The following TMEM74 variants were observed in gnomAD, a reference collection of about 807,000 sequenced individuals.
The protein encoded by TMEM74 is transmembrane protein 74.
Under a neutral mutation model 18.1 loss-of-function variants are expected in TMEM74, and 13 were observed. The ratio of observed to expected loss-of-function variants is 0.72; its 90% confidence interval spans 0.47 to 1.14. TMEM74 has a LOEUF of 1.14. TMEM74 is among the 50% of genes most tolerant of loss of function. The probability of loss-of-function intolerance (pLI) is 0.00; values close to 1 mark genes in which losing one functional copy is unlikely to be tolerated. For synonymous variants in TMEM74, 159 were observed against 146.6 expected, an observed-to-expected ratio of 1.08 and a Z score of -0.61; for missense variants, 372 against 375.9, an observed-to-expected ratio of 0.99 and a Z score of 0.09.
At chr8:108,720,073 AT>A (rs1197171542) in intron 1 of TMEM74, among the ~76,000 whole-genome samples, 2 of 152,114 alleles carry the variant, frequency 1.3e-5, no homozygotes, top group East Asian at 3.9e-4. Context: ...ACTTTAGCTA[AT>A]TTTTAACAAA....
chr8:108,673,546 G>C (rs7840453), intron 1 of TMEM74, among the ~76,000 whole-genome samples: 4,479 of 152,304 alleles, frequency 0.029, 123 homozygotes, highest in African/African-American at 0.066. Flanking sequence ...CCAGCAGAGA[G>C]CATAGCCAGA....
chr8:108,748,293 A>G (rs1813871290), intron 1 of TMEM74, among the ~76,000 whole-genome samples: 2 of 152,110 alleles, frequency 1.3e-5, no homozygotes, highest in Admixed American at 6.5e-5. Flanking sequence ...TGTGGTTTTG[A>G]TTGGCATTTC....
At chr8:108,770,259 T>TA (rs1430249697) in intron 1 of TMEM74, among the ~76,000 whole-genome samples, 1 of 152,116 alleles carries the variant, frequency 6.6e-6, no homozygotes, top group Non-Finnish European at 1.5e-5. Flanking sequence ...TGATTCCTTT[T>TA]AAAAAACTGG....
intron 2 of TMEM74, among the ~76,000 whole-genome samples, chr8:108,640,924 C>T (rs1031213569): frequency 2.0e-5 from 3 of 152,256 alleles, no homozygotes; most frequent in Non-Finnish European, 4.4e-5. Flanking sequence ...ATGATGTCAT[C>T]ACTTTAGCCA....
chr8:108,732,345 A>G (rs991834465), intron 1 of TMEM74, among the ~76,000 whole-genome samples: 4 of 152,198 alleles, frequency 2.6e-5, no homozygotes, highest in African/African-American at 7.2e-5. Flanking sequence ...GTGTGTGTGT[A>G]CACATGTTCA....
chr8:108,652,376 T>G (rs1461782810), intron 2 of TMEM74: 1 of 228,346 alleles, frequency 4.4e-6, no homozygotes, highest in Non-Finnish European at 8.6e-6. Flanking sequence ...ACTAGGCACA[T>G]GGACTGGGAA....
chr8:108,784,810 G>A lies in TMEM74; in HGVS notation c.289C>T (p.Arg97Trp), dbSNP rs780249867. 7.4e-6 allele frequency: 12 copies of A among 1,614,172 alleles called. No individual in the cohort carries two copies. In the Admixed American group the frequency reaches 1.0e-4, roughly 13 times the overall value. ...TGGCTGCAGCAGTTACAGACTTTCC[G>A]TTCCGCTGTTATTTGGTTGTTCCCT... ...HSGNNQITAERKVCNCCSQEL... is the reference protein window; with the variant it reads ...HSGNNQITAEWKVCNCCSQEL... Residue 97 changes from arginine (R) to tryptophan (W), a missense_variant, in exon 2 of 2, where the codon CGG (arginine) becomes TGG (tryptophan). By Grantham distance (101) the Arg-to-Trp change is moderately radical (BLOSUM62 -3). Transcript: ENST00000297459.
rs553679530 is a variant in TMEM74, at chr8:108,760,076, G to C, written n.119+27400C>G. Among the ~76,000 whole-genome samples the C allele has an allele frequency of 1.5e-3, 225 of 151,836 alleles. 1 individual carries two copies. Among genetic ancestry groups the C allele is most frequent in the African/African-American group, 5.1e-3 (212 of 41,422 alleles). On this transcript the variant is annotated intron_variant and non_coding_transcript_variant, in intron 1 of 3. Coordinates refer to the TMEM74 transcript ENST00000518838. ...TAGTTGTAGCTACTCAGGAGGCTTA[G>C]GTAAGAGAATCGCTTGAAGCTGGGA...
At chr8:108,685,792 CA>C (rs546733802) in intron 1 of TMEM74, among the ~76,000 whole-genome samples, 15 of 151,844 alleles carry the variant, frequency 9.9e-5, no homozygotes, top group Non-Finnish European at 1.3e-4. Flanking sequence ...GATACAATGT[CA>C]AAATACAAAA....
chr8:108,667,784 A>G (rs1355416000), intron 1 of TMEM74, among the ~76,000 whole-genome samples: 1 of 151,988 alleles, frequency 6.6e-6, no homozygotes, highest in Non-Finnish European at 1.5e-5. Context: ...ACCTCTCCCT[A>G]CTGCCTACCT....
At chr8:108,785,437 A>C (rs974738131) in intron 1 of TMEM74, among the ~76,000 whole-genome samples, 25 of 152,220 alleles carry the variant, frequency 1.6e-4, no homozygotes, top group African/African-American at 6.0e-4. Flanking sequence ...AATTTATTCA[A>C]GGACTCGCGC....
intron 1 of TMEM74, among the ~76,000 whole-genome samples, chr8:108,714,863 A>G (rs1026160706): frequency 2.0e-5 from 3 of 152,180 alleles, no homozygotes; most frequent in African/African-American, 4.8e-5. Flanking sequence ...GATCAAAATC[A>G]TGTCCTTTGC....
intron 2 of TMEM74, among the ~76,000 whole-genome samples, chr8:108,628,907 A>G (rs1303406740): frequency 6.6e-6 from 1 of 151,480 alleles, no homozygotes; most frequent in African/African-American, 2.4e-5. Flanking sequence ...TTTTTTTCAT[A>G]TGTTTGTTGG....
intron 2 of TMEM74, among the ~76,000 whole-genome samples, chr8:108,637,047 AG>A (rs1812613858): frequency 6.6e-6 from 1 of 152,116 alleles, no homozygotes; most frequent in Non-Finnish European, 1.5e-5. Context: ...AGATAGGATT[AG>A]GGCTTTGATA....
intron 1 of TMEM74, among the ~76,000 whole-genome samples, chr8:108,714,488 AAGGGAGGAAC>A (rs1228144470): frequency 6.6e-6 from 1 of 152,212 alleles, no homozygotes; most frequent in East Asian, 1.9e-4. Flanking sequence ...TTCAAGTGAC[AAGGGAGGAAC>A]AGGTGACTGA....
intron 1 of TMEM74, among the ~76,000 whole-genome samples, chr8:108,745,558 T>C: frequency 6.6e-6 from 1 of 152,188 alleles, no homozygotes; most frequent in African/African-American, 2.4e-5. Flanking sequence ...TTGCTGACTC[T>C]GGTGTATATT....
chr8:108,630,377 G>C (rs900024943), intron 2 of TMEM74, among the ~76,000 whole-genome samples: 18 of 151,922 alleles, frequency 1.2e-4, no homozygotes, highest in African/African-American at 2.4e-4. Flanking sequence ...CACAATAATA[G>C]TGGGAGACTT....
At position 108,778,975 on chromosome 8, in the gene TMEM74, TA is replaced by T. The variant is rs916640355; in HGVS notation, c.*5205del. The stretch of plus-strand genomic sequence containing the variant: ...AGCAAGAAGAATGACAAACCTAAAT[TA>T]GGGGTAAATATTCATTTTAATTTTT... On this transcript the variant is annotated 3_prime_UTR_variant, in exon 2 of 2. Transcript: ENST00000297459. 5.3e-5 allele frequency among the ~76,000 whole-genome samples: 8 copies of T among 152,236 alleles called. No individual in the cohort carries two copies. Among genetic ancestry groups the T allele is most frequent in the African/African-American group, 1.9e-4 (8 of 41,558 alleles).
intron 1 of TMEM74, among the ~76,000 whole-genome samples, chr8:108,685,330 T>A (rs1291949069): frequency 6.6e-6 from 1 of 152,154 alleles, no homozygotes; most frequent in African/African-American, 2.4e-5. Context: ...CCCATTCTAA[T>A]AAGTTTTGGT....
Sources: allele counts gnomAD v4.1 joint callset (sites outside exome capture counted in the v4.1 genomes callset), GRCh38; gene constraint gnomAD v4.1.1; transcripts MANE v1.5; gene names NCBI Gene and HGNC (gene_info 2026-07-23, HGNC 2026-07-21).